The following DPP10 variants were observed in gnomAD, a reference collection of about 807,000 sequenced individuals.
The protein encoded by DPP10 is dipeptidyl peptidase like 10.
A neutral mutation model predicts 120.9 loss-of-function variants in DPP10; 33 were observed. The observed-to-expected ratio is 0.27, with a 90% CI of 0.21 to 0.37. DPP10 has a LOEUF of 0.37. Ranked by LOEUF, DPP10 falls within the 10% of genes least tolerant of loss-of-function variation. The pLI is 1.00. For synonymous variants in DPP10, 337 were observed against 326.1 expected, an observed-to-expected ratio of 1.03 and a Z score of -0.36; for missense variants, 816 against 942.8, an observed-to-expected ratio of 0.87 and a Z score of 1.76.
In DPP10 at chr2:115,777,939, C is replaced by A. The variant is rs536418721; in HGVS notation, c.1361+105C>A. 13 of 1,123,376 alleles carry A rather than the reference C, an allele frequency of 1.2e-5. No homozygotes were observed. In the African/African-American group the frequency reaches 1.7e-4, roughly 15 times the overall value. 69.6% of individuals were successfully genotyped at this position (1,123,376 alleles called of 1,614,324 possible). ...ATTTGAAATGTCTTTTTCAACATGG[C>A]TAGGAAGAGCCAACTTTGCTGACAA... On this transcript the variant is annotated intron_variant, in intron 15 of 25. Coordinates refer to ENST00000410059, the MANE Select transcript of DPP10 (RefSeq NM_020868.6).
chr2:115,358,108 C>A (rs576557685), intron 3 of DPP10, among the ~76,000 whole-genome samples: 1 of 152,064 alleles, frequency 6.6e-6, no homozygotes, highest in African/African-American at 2.4e-5. Context: ...TAACATTGGG[C>A]CCCCTGTTGC....
At chr2:115,228,219 C>T (rs114218308) in intron 1 of DPP10, among the ~76,000 whole-genome samples, 2,109 of 152,028 alleles carry the variant, frequency 0.014, 56 homozygotes, top group African/African-American at 0.047. Context: ...AGTACTGGGA[C>T]TACAGGTGTG....
chr2:115,480,624 T>C (rs138865924), intron 3 of DPP10, among the ~76,000 whole-genome samples: 180 of 152,238 alleles, frequency 1.2e-3, no homozygotes, highest in Non-Finnish European at 2.1e-3. Flanking sequence ...GCAAATGTTA[T>C]AGAGTTAAAA....
At position 115,379,295 on chromosome 2, in the gene DPP10, C is replaced by T. The variant is rs1163734726; in HGVS notation, c.271+35383C>T. On this transcript the variant is annotated intron_variant, in intron 3 of 25. Transcript: ENST00000410059. ...TTTAGTCTTGGGAGAGTGTATGTGT[C>T]GAGGAATTTATCTATTTCTTCTAGA... Among the ~76,000 whole-genome samples, 6 of 152,194 alleles carry T rather than the reference C, an allele frequency of 3.9e-5. No individual in the cohort carries two copies. In the South Asian group the frequency reaches 8.3e-4, roughly 21 times the overall value.
chr2:115,175,642 C>T (rs2053637298), intron 1 of DPP10, among the ~76,000 whole-genome samples: 1 of 152,156 alleles, frequency 6.6e-6, no homozygotes, highest in Admixed American at 6.5e-5. Flanking sequence ...ATATCTTTTA[C>T]TTTCTCACAG....
At chr2:114,755,051 TTGAG>T (rs1037499656) in intron 1 of DPP10, among the ~76,000 whole-genome samples, 6 of 152,196 alleles carry the variant, frequency 3.9e-5, no homozygotes, top group Non-Finnish European at 8.8e-5. Context: ...ACTATTTGAG[TTGAG>T]TAAGATCATA....
intron 1 of DPP10, among the ~76,000 whole-genome samples, chr2:114,879,134 C>CTT (rs372569269): frequency 8.5e-5 from 12 of 141,216 alleles, no homozygotes; most frequent in African/African-American, 2.3e-4. Flanking sequence ...CAGGTAAATT[C>CTT]TTTTTTTTTT....
chr2:115,275,093 G>C (rs568799726), intron 1 of DPP10, among the ~76,000 whole-genome samples: 1 of 152,120 alleles, frequency 6.6e-6, no homozygotes, highest in Non-Finnish European at 1.5e-5. Context: ...GTTGTTTCTC[G>C]GCTTTCTGGA....
At chr2:115,382,808 G>T (rs1251000931) in intron 3 of DPP10, among the ~76,000 whole-genome samples, 1 of 152,172 alleles carries the variant, frequency 6.6e-6, no homozygotes, top group Non-Finnish European at 1.5e-5. Flanking sequence ...GCTAGAGGAA[G>T]TGATGGAAAA....
chr2:114,748,909 G>T (rs1347710433), intron 1 of DPP10, among the ~76,000 whole-genome samples: 2 of 117,822 alleles, frequency 1.7e-5, no homozygotes, highest in Admixed American at 9.5e-5. Context: ...AGTCATTTGG[G>T]TATATACCCA....
chr2:115,386,218 C>T (rs1479316863), intron 3 of DPP10, among the ~76,000 whole-genome samples: 1 of 151,910 alleles, frequency 6.6e-6, no homozygotes, highest in African/African-American at 2.4e-5. Flanking sequence ...TTTCCTCTGC[C>T]CCAAGTCAAA....
intron 1 of DPP10, among the ~76,000 whole-genome samples, chr2:114,499,482 T>C (rs1682968431): frequency 6.6e-6 from 1 of 152,208 alleles, no homozygotes; most frequent in African/African-American, 2.4e-5. Context: ...ATTATATTTG[T>C]TTCCCCTTAC....
chr2:114,918,469 G>A (rs930807209), intron 1 of DPP10, among the ~76,000 whole-genome samples: 1 of 152,100 alleles, frequency 6.6e-6, no homozygotes, highest in Non-Finnish European at 1.5e-5. Context: ...GAATGTACAT[G>A]GTTCTGCATT....
At chr2:114,746,668 T>C (rs1242459086) in intron 1 of DPP10, among the ~76,000 whole-genome samples, 1 of 152,142 alleles carries the variant, frequency 6.6e-6, no homozygotes, top group African/African-American at 2.4e-5. Context: ...AAAAGTGAGC[T>C]TCTTTCTTCC....
chr2:115,628,837 T>C (rs1319299056), intron 5 of DPP10, among the ~76,000 whole-genome samples: 2 of 152,094 alleles, frequency 1.3e-5, no homozygotes, highest in African/African-American at 4.8e-5. Flanking sequence ...TTATTATACT[T>C]TAAGTTTTAG....
chr2:115,169,411 A>G (rs1476340302), intron 1 of DPP10, among the ~76,000 whole-genome samples: 1 of 151,994 alleles, frequency 6.6e-6, no homozygotes, highest in East Asian at 1.9e-4. Flanking sequence ...ATGTGTGTGT[A>G]CACCATTATC....
intron 3 of DPP10, among the ~76,000 whole-genome samples, chr2:115,380,535 G>A (rs923590515): frequency 1.3e-5 from 2 of 151,928 alleles, no homozygotes; most frequent in African/African-American, 4.8e-5. Context: ...TTTAATTGGA[G>A]CATTTAGTCC....
At chr2:115,207,056 G>A (rs1034107240) in intron 1 of DPP10, among the ~76,000 whole-genome samples, 3 of 152,092 alleles carry the variant, frequency 2.0e-5, no homozygotes, top group South Asian at 4.1e-4. Flanking sequence ...TTCAACATCC[G>A]AATCTCCTTT....
At chr2:114,941,911 A>T (rs1410721444) in intron 1 of DPP10, among the ~76,000 whole-genome samples, 1 of 152,108 alleles carries the variant, frequency 6.6e-6, no homozygotes, top group Non-Finnish European at 1.5e-5. Context: ...AAAACATGAA[A>T]TCAATATGGA....
Sources: gnomAD v4.1 joint callset for allele counts (sites outside exome capture counted in the v4.1 genomes callset) on GRCh38, gnomAD v4.1.1 for gene constraint, MANE v1.5 for transcripts, NCBI Gene and HGNC (gene_info 2026-07-23, HGNC 2026-07-21) for gene names.